The following RBFOX1 variants were observed in gnomAD, a reference collection of about 807,000 sequenced individuals.
The protein encoded by RBFOX1 is RNA binding protein fox-1 homolog 1.
RBFOX1 carries 8 observed loss-of-function variants against 57.7 expected under a neutral mutation model. The observed-to-expected ratio is 0.14, with a 90% confidence interval of 0.08 to 0.25. The LOEUF (loss-of-function observed/expected upper bound fraction) is 0.25. Among genes scored for constraint, RBFOX1 ranks in the 10% least tolerant of loss-of-function variants. RBFOX1 has a pLI of 1.00. For missense variants in RBFOX1, 611 were observed against 548.5 expected (o/e 1.11, Z -1.14); for synonymous variants, 326 against 222.4 (o/e 1.47, Z -4.15).
intron 1 of RBFOX1, among the ~76,000 whole-genome samples, chr16:5,362,140 A>G (rs1316746301): frequency 6.6e-6 from 1 of 152,228 alleles, no homozygotes; most frequent in Admixed American, 6.5e-5. Context: ...ATTGTTATCT[A>G]CAGGCATAAT....
intron 5 of RBFOX1, among the ~76,000 whole-genome samples, chr16:7,533,790 G>T (rs2080764254): frequency 6.6e-6 from 1 of 152,170 alleles, no homozygotes; most frequent in East Asian, 1.9e-4. Context: ...CATCTGTACT[G>T]ACCTTGATTT....
chr16:6,016,963 T>C (rs553142838), upstream of RBFOX1, among the ~76,000 whole-genome samples: 5 of 152,352 alleles, frequency 3.3e-5, no homozygotes, highest in African/African-American at 1.2e-4. Flanking sequence ...TCTTAAGCCA[T>C]GTAGCAATAC....
intron 4 of RBFOX1, among the ~76,000 whole-genome samples, chr16:5,872,654 T>A (rs149754661): frequency 2.9e-4 from 44 of 152,124 alleles, no homozygotes; most frequent in Middle Eastern, 3.4e-3. Flanking sequence ...GAGGGTTGCT[T>A]GAGCCCAGGA....
intron 2 of RBFOX1, among the ~76,000 whole-genome samples, chr16:5,531,408 A>G (rs1019937596): frequency 6.6e-6 from 1 of 152,206 alleles, no homozygotes; most frequent in Non-Finnish European, 1.5e-5. Context: ...GTTGTGGAAA[A>G]TTGAGAACTC....
intron 4 of RBFOX1, among the ~76,000 whole-genome samples, chr16:5,922,031 T>G (rs1299022960): frequency 6.6e-6 from 1 of 151,634 alleles, no homozygotes; most frequent in African/African-American, 2.4e-5. Flanking sequence ...CATGGTGATG[T>G]ACTCTTGTGG....
At chr16:5,583,177 G>T (rs543978393) in intron 2 of RBFOX1, among the ~76,000 whole-genome samples, 1 of 152,102 alleles carries the variant, frequency 6.6e-6, no homozygotes, top group African/African-American at 2.4e-5. Context: ...AATGCCATGC[G>T]CAGCAAAAGC....
intron 15 of RBFOX1, chr16:7,709,608 G>C: frequency 6.5e-7 from 1 of 1,532,252 alleles, no homozygotes; most frequent in Non-Finnish European, 8.7e-7. Context: ...TACAATTCAT[G>C]TTTAAAGTCA....
chr16:6,916,566 A>T (rs189498913), intron 3 of RBFOX1, among the ~76,000 whole-genome samples: 1 of 151,388 alleles, frequency 6.6e-6, no homozygotes, highest in Admixed American at 6.6e-5. Context: ...AAGAAATCCC[A>T]TAAATCATCG....
chr16:5,893,968 T>C (rs2058101576), intron 4 of RBFOX1, among the ~76,000 whole-genome samples: 1 of 151,884 alleles, frequency 6.6e-6, no homozygotes, highest in Admixed American at 6.6e-5. Context: ...TTGCAAAATG[T>C]GGAATTGAAG....
At chr16:5,372,205 G>T (rs1212489754) in intron 1 of RBFOX1, among the ~76,000 whole-genome samples, 1 of 152,194 alleles carries the variant, frequency 6.6e-6, no homozygotes, top group Non-Finnish European at 1.5e-5. Context: ...GCCAAGGCCA[G>T]CTGGGATGTT....
At chr16:6,798,712 A>G (rs576682644) in intron 3 of RBFOX1, among the ~76,000 whole-genome samples, 5 of 152,294 alleles carry the variant, frequency 3.3e-5, no homozygotes, top group Admixed American at 3.3e-4. Flanking sequence ...GAACTAAAAT[A>G]TTTATACACC....
At chr16:5,734,963 C>T (rs749618304) in intron 3 of RBFOX1, among the ~76,000 whole-genome samples, 1 of 152,116 alleles carries the variant, frequency 6.6e-6, no homozygotes, top group Non-Finnish European at 1.5e-5. Context: ...ATAAAGTTGG[C>T]TCACACAAAC....
intron 4 of RBFOX1, among the ~76,000 whole-genome samples, chr16:7,400,518 T>A (rs1353023148): frequency 6.6e-6 from 1 of 152,194 alleles, no homozygotes; most frequent in South Asian, 2.1e-4. Context: ...TTCTCCCTCC[T>A]GGTCCCTTAC....
chr16:6,829,405 C>T (rs781166924), intron 3 of RBFOX1, among the ~76,000 whole-genome samples: 1 of 149,162 alleles, frequency 6.7e-6, no homozygotes, highest in African/African-American at 2.5e-5. Flanking sequence ...ATATATAGAA[C>T]GATTGTAAAA....
intron 1 of RBFOX1, chr16:6,056,857 C>CT (rs2095620824): frequency 1.1e-5 from 1 of 89,404 alleles, no homozygotes; most frequent in East Asian, 3.7e-4. Flanking sequence ...TTTTTTTTTT[C>CT]TTTTTTACTC....
chr16:6,760,273 G>T (rs1235684525), intron 3 of RBFOX1, among the ~76,000 whole-genome samples: 1 of 152,126 alleles, frequency 6.6e-6, no homozygotes, highest in East Asian at 1.9e-4. Context: ...AAAGGCAATT[G>T]CTTTAAAGGA....
intron 4 of RBFOX1, among the ~76,000 whole-genome samples, chr16:7,057,901 C>T (rs919279881): frequency 2.0e-5 from 3 of 148,850 alleles, no homozygotes; most frequent in Non-Finnish European, 4.5e-5. Flanking sequence ...CCAGCTACTC[C>T]GGAGGCTGAG....
intron 2 of RBFOX1, among the ~76,000 whole-genome samples, chr16:6,573,435 A>G (rs1026851443): frequency 1.3e-5 from 2 of 152,208 alleles, no homozygotes; most frequent in Non-Finnish European, 2.9e-5. Flanking sequence ...ACTGCTGGAA[A>G]GAGTCTGCCA....
intron 3 of RBFOX1, among the ~76,000 whole-genome samples, chr16:6,767,938 T>TAAGAAGAAGAAGAAGAAGAAG (rs1450877589): frequency 4.6e-4 from 39 of 84,766 alleles, no homozygotes; most frequent in African/African-American, 1.7e-3. Flanking sequence ...ATAATAATAA[T>TAAGAAGAAGAAGAAGAAGAAG]AATAATAATA....
Sources: gnomAD v4.1 joint callset for allele counts (sites outside exome capture counted in the v4.1 genomes callset) on GRCh38, gnomAD v4.1.1 for gene constraint, MANE v1.5 for transcripts, NCBI Gene and HGNC (gene_info 2026-07-23, HGNC 2026-07-21) for gene names.